The following EML6 variants were observed in gnomAD, a reference collection of about 807,000 sequenced individuals.
EML6 encodes the protein EMAP like 6.
EML6 carries 154 observed loss-of-function variants against 240.1 expected under a neutral mutation model. That is an observed-to-expected ratio of 0.64 (90% CI 0.56 to 0.73). The LOEUF is 0.73. EML6 is among the 30% of genes least tolerant of loss of function. The pLI is 0.00. For missense variants in EML6, 2,964 were observed against 2,474.6 expected (o/e 1.20, Z -4.20); for synonymous variants, 1,148 against 899.0 (o/e 1.28, Z -4.95).
intron 2 of EML6, among the ~76,000 whole-genome samples, chr2:54,755,462 T>C (rs1334184715): frequency 1.3e-5 from 2 of 152,198 alleles, no homozygotes; most frequent in African/African-American, 4.8e-5. Flanking sequence ...TTGACATCTT[T>C]ATAATATTGA....
At chr2:54,884,540 C>T (rs921351642) in intron 17 of EML6, among the ~76,000 whole-genome samples, 2 of 152,262 alleles carry the variant, frequency 1.3e-5, no homozygotes, top group South Asian at 2.1e-4. Context: ...CTGAAGCTAC[C>T]TCTGGGCTGG....
At chr2:54,731,746 A>G (rs76051513) in intron 2 of EML6, among the ~76,000 whole-genome samples, 2,393 of 152,292 alleles carry the variant, frequency 0.016, 67 homozygotes, top group East Asian at 0.098. Context: ...CACCAACCCC[A>G]TCAATCAGTC....
chr2:54,763,112 A>G (rs757179428), intron 2 of EML6, among the ~76,000 whole-genome samples: 6 of 152,172 alleles, frequency 3.9e-5, no homozygotes, highest in Admixed American at 6.5e-5. Context: ...AACATAATAC[A>G]TTTATTCATT....
At chr2:54,767,597 A>AGTGTGTGTGTGTGTGTGTGTGT (rs111232633) in intron 2 of EML6, among the ~76,000 whole-genome samples, 3 of 145,514 alleles carry the variant, frequency 2.1e-5, no homozygotes, top group African/African-American at 5.1e-5. Context: ...TGGTATGAAG[A>AGTGTGTGTGTGTGTGTGTGTGT]GTGTGTGTGT....
Position 54,971,319 on chromosome 2 carries a change from T to A in EML6, c.*1224T>A, listed in dbSNP as rs1677001037. 6.6e-6 allele frequency: 1 copy of A among 152,250 alleles called. No homozygotes were observed. Among genetic ancestry groups the A allele is most frequent in the Admixed American group, 6.5e-5 (1 of 15,284 alleles). 9.4% of individuals were successfully genotyped at this position (152,250 alleles called of 1,614,324 possible). ...CCATCCGTAAGCCCCTCAGTCACACTTTCCATGTAGCTGACCAGTGACTAC... is the reference window on the plus strand; with the variant it reads ...CCATCCGTAAGCCCCTCAGTCACACATTCCATGTAGCTGACCAGTGACTAC... On this transcript the variant is annotated 3_prime_UTR_variant, in exon 42 of 42. Coordinates refer to ENST00000356458, the MANE Select transcript of EML6 (RefSeq NM_001039753.4).
chr2:54,771,446 C>G (rs1411431628), intron 2 of EML6, among the ~76,000 whole-genome samples: 2 of 152,228 alleles, frequency 1.3e-5, no homozygotes, highest in African/African-American at 4.8e-5. Flanking sequence ...TTAAATTATG[C>G]AGCTTTTCTG....
rs1454770501 is a variant in EML6, at chr2:54,847,484, A to T, written c.1050-2A>T. The T allele has an allele frequency of 6.4e-7, 1 of 1,551,220 alleles. No homozygotes were observed. Among genetic ancestry groups the T allele is most frequent in the Non-Finnish European group, 8.7e-7 (1 of 1,146,966 alleles). On this transcript the variant is annotated splice_acceptor_variant, in intron 8 of 41. Transcript: ENST00000356458. LOFTEE classifies it high-confidence loss of function. ...TTGTTTTGACTTCGTTCTTGTGCCT[A>T]GGCTGTGGAGCCTGGCTGATCATGC...
intron 25 of EML6, among the ~76,000 whole-genome samples, chr2:54,913,832 G>T (rs530388301): frequency 2.0e-5 from 3 of 152,164 alleles, no homozygotes; most frequent in Non-Finnish European, 4.4e-5. Context: ...GTTAATTTTT[G>T]TGTATGGTGA....
At chr2:54,872,170 A>C (rs1178710431) in intron 16 of EML6, among the ~76,000 whole-genome samples, 2 of 152,224 alleles carry the variant, frequency 1.3e-5, no homozygotes, top group Non-Finnish European at 2.9e-5. Flanking sequence ...GTATCATAAA[A>C]AATAACTGAT....
intron 17 of EML6, among the ~76,000 whole-genome samples, chr2:54,887,874 A>C (rs1437313896): frequency 6.6e-6 from 1 of 152,194 alleles, no homozygotes; most frequent in African/African-American, 2.4e-5. Flanking sequence ...CTCCTGCACT[A>C]GACGGTACAT....
At chr2:54,863,628 G>A (rs936884860) in intron 12 of EML6, among the ~76,000 whole-genome samples, 155 bp from the exon 13 acceptor site, 2 of 152,120 alleles carry the variant, frequency 1.3e-5, no homozygotes, top group African/African-American at 4.8e-5. Flanking sequence ...AAACCAAAAG[G>A]TGAAAGAAAG....
chr2:54,833,793 G>A (rs953057947), intron 7 of EML6, among the ~76,000 whole-genome samples: 3 of 152,290 alleles, frequency 2.0e-5, no homozygotes, highest in Middle Eastern at 3.4e-3. Context: ...AACACAAGAT[G>A]ATATAAACCA....
At chr2:54,841,402 T>C (rs1669444843) in intron 7 of EML6, among the ~76,000 whole-genome samples, 1 of 152,216 alleles carries the variant, frequency 6.6e-6, no homozygotes, top group African/African-American at 2.4e-5. Flanking sequence ...AGTTATCTCA[T>C]GTATTTGTTT....
chr2:54,881,434 C>A (rs918049849), intron 17 of EML6: 1 of 151,974 alleles, frequency 6.6e-6, no homozygotes, highest in African/African-American at 2.4e-5. Context: ...GTGGGCGGAT[C>A]TCCTAAGGTC....
At chr2:54,922,034 A>C (rs1262855090) in intron 26 of EML6, among the ~76,000 whole-genome samples, 1 of 152,214 alleles carries the variant, frequency 6.6e-6, no homozygotes, top group Admixed American at 6.5e-5. Flanking sequence ...TGGATGTAAC[A>C]GCCAAAGCAC....
At chr2:54,849,886 C>A in intron 9 of EML6, 76 bp from the exon 10 acceptor site, 1 of 1,210,906 alleles carries the variant, frequency 8.3e-7, no homozygotes, top group Non-Finnish European at 1.1e-6. Context: ...ACTTCTTTTT[C>A]TGACACATAT....
intron 5 of EML6, among the ~76,000 whole-genome samples, chr2:54,823,196 T>A: frequency 6.6e-6 from 1 of 152,226 alleles, no homozygotes; most frequent in East Asian, 1.9e-4. Flanking sequence ...ATCAAAGCCC[T>A]CTATCGATAA....
intron 5 of EML6, among the ~76,000 whole-genome samples, chr2:54,823,595 G>A (rs1471914938): frequency 6.6e-6 from 1 of 152,078 alleles, no homozygotes; most frequent in South Asian, 2.1e-4. Context: ...ACTAAAATAT[G>A]AAAATTGTTT....
chr2:54,762,878 C>T (rs1025997644), intron 2 of EML6, among the ~76,000 whole-genome samples: 1 of 152,114 alleles, frequency 6.6e-6, no homozygotes, highest in Non-Finnish European at 1.5e-5. Flanking sequence ...ATTGCTGTGC[C>T]AGAATGTCAT....
Sources: gnomAD v4.1 joint callset for allele counts (sites outside exome capture counted in the v4.1 genomes callset) on GRCh38, gnomAD v4.1.1 for gene constraint, MANE v1.5 for transcripts, NCBI Gene and HGNC (gene_info 2026-07-23, HGNC 2026-07-21) for gene names.